Variants in FGGY observed in about 807,000 individuals in gnomAD.
FGGY encodes the protein FGGY carbohydrate kinase domain containing.
Under a neutral mutation model 71.3 loss-of-function variants are expected in FGGY, and 72 were observed. The observed-to-expected ratio is 1.01, with a 90% CI of 0.84 to 1.23. The LOEUF (loss-of-function observed/expected upper bound fraction) is 1.23. FGGY is among the 50% of genes most tolerant of loss of function. The pLI is 0.00. For missense variants in FGGY, 668 were observed against 682.3 expected (o/e 0.98, Z 0.23); for synonymous variants, 251 against 250.3 (o/e 1.00, Z -0.02).
chr1:59,444,381 C>CA (rs1383272583), intron 5 of FGGY, among the ~76,000 whole-genome samples: 2 of 152,142 alleles, frequency 1.3e-5, no homozygotes, highest in African/African-American at 4.8e-5. Flanking sequence ...ATATCCATCT[C>CA]AAGCCTTTTT....
intron 7 of FGGY, among the ~76,000 whole-genome samples, chr1:59,515,396 G>A (rs2094617781): frequency 6.6e-6 from 1 of 152,136 alleles, no homozygotes; most frequent in Non-Finnish European, 1.5e-5. Context: ...ACTTGTCTCA[G>A]ATGAGACTTT....
chr1:59,419,746 G>A (rs1157343907), intron 5 of FGGY, among the ~76,000 whole-genome samples: 3 of 152,132 alleles, frequency 2.0e-5, no homozygotes, highest in African/African-American at 7.2e-5. Context: ...TAATATGGAG[G>A]TTTGCCTGAG....
At chr1:59,542,716 A>G (rs1190664985) in intron 7 of FGGY, among the ~76,000 whole-genome samples, 1 of 152,034 alleles carries the variant, frequency 6.6e-6, no homozygotes, top group Non-Finnish European at 1.5e-5. Context: ...TTGGCCTCCC[A>G]AAGTGCCGGG....
At chr1:59,484,382 T>C (rs1003188523) in intron 6 of FGGY, among the ~76,000 whole-genome samples, 4 of 152,172 alleles carry the variant, frequency 2.6e-5, no homozygotes, top group Non-Finnish European at 5.9e-5. Context: ...TCTATTATGG[T>C]CCACCTACTC....
chr1:59,619,311 A>G (rs2096786632), intron 9 of FGGY, among the ~76,000 whole-genome samples: 3 of 152,096 alleles, frequency 2.0e-5, no homozygotes, highest in Admixed American at 1.3e-4. Flanking sequence ...TCAAGCTTAC[A>G]TTCTAACAGG....
chr1:59,559,785 C>G (rs945133042), intron 8 of FGGY, among the ~76,000 whole-genome samples: 2 of 152,020 alleles, frequency 1.3e-5, no homozygotes, highest in Non-Finnish European at 2.9e-5. Context: ...AAAACTGGAA[C>G]AATTTAAGCA....
At chr1:59,619,339 C>CA (rs1021888458) in intron 9 of FGGY, among the ~76,000 whole-genome samples, 1 of 151,766 alleles carries the variant, frequency 6.6e-6, no homozygotes, top group African/African-American at 2.4e-5. Context: ...AGATAATACA[C>CA]AAAAAATAAA....
At chr1:59,741,863 C>T (rs914575547) in intron 14 of FGGY, among the ~76,000 whole-genome samples, 8 of 150,352 alleles carry the variant, frequency 5.3e-5, no homozygotes, top group Non-Finnish European at 8.9e-5. Context: ...GGCTTGAACC[C>T]GGAAGGCAGA....
At chr1:59,304,907 A>G (rs552861209) in intron 1 of FGGY, among the ~76,000 whole-genome samples, 3 of 152,060 alleles carry the variant, frequency 2.0e-5, no homozygotes, top group Non-Finnish European at 4.4e-5. Context: ...TGTTATGTTG[A>G]TTTTTTATTC....
At chr1:59,563,231 G>C (rs905010914) in intron 8 of FGGY, among the ~76,000 whole-genome samples, 1 of 152,304 alleles carries the variant, frequency 6.6e-6, no homozygotes, top group Non-Finnish European at 1.5e-5. Flanking sequence ...TTGGCTGCGG[G>C]TTTGTCATAA....
rs533362027 is a variant in FGGY, at chr1:59,553,012, G to A, written c.800-1112G>A. Among the ~76,000 whole-genome samples, 38 of 152,306 alleles carry A rather than the reference G, an allele frequency of 2.5e-4. No individual in the cohort carries two copies. The South Asian group carries it at 7.2e-3, about 29-fold the overall frequency. On this transcript the variant is annotated intron_variant, in intron 7 of 15. Coordinates refer to ENST00000303721, the MANE Select transcript of FGGY (RefSeq NM_018291.5). ...ATGAGACTATTTAACAGGGAGAATC[G>A]TCTGTCCTAGAGGGTCAGGGAAGCC...
At chr1:59,371,359 C>A (rs182552466) in intron 4 of FGGY, among the ~76,000 whole-genome samples, 4,248 of 152,106 alleles carry the variant, frequency 0.028, 214 homozygotes, top group African/African-American at 0.097. Flanking sequence ...AGAGCTAACT[C>A]TCCTAAATAT....
intron 4 of FGGY, among the ~76,000 whole-genome samples, chr1:59,349,308 A>C (rs182354675): frequency 1.9e-4 from 29 of 152,296 alleles, no homozygotes; most frequent in African/African-American, 7.0e-4. Flanking sequence ...ACTTGTTGCT[A>C]TATCAACAAG....
chr1:59,757,060 G>A (rs1304818368), intron 14 of FGGY, among the ~76,000 whole-genome samples: 1 of 152,126 alleles, frequency 6.6e-6, no homozygotes, highest in African/African-American at 2.4e-5. Context: ...TGTGATCCCA[G>A]AATGACTGCA....
intron 8 of FGGY, among the ~76,000 whole-genome samples, chr1:59,595,255 G>T (rs1325021620): frequency 6.6e-6 from 1 of 152,138 alleles, no homozygotes; most frequent in South Asian, 2.1e-4. Flanking sequence ...CATAGTAGCT[G>T]CTTGGCAAAT....
At chr1:59,610,914 G>A (rs1017945133) in intron 9 of FGGY, among the ~76,000 whole-genome samples, 1 of 152,250 alleles carries the variant, frequency 6.6e-6, no homozygotes, top group Admixed American at 6.5e-5. Context: ...CTTGCTCACT[G>A]CCAGCACAGC....
In FGGY at chr1:59,375,284, GAAAC is replaced by G. The variant is rs1189785273; in HGVS notation, c.466-3457_466-3454del. ...AAAAAAGAAAAAAAAAAAAAAAAAA[GAAAC>G]AAACAAAAAAAAACTGCATGGGATC... On this transcript the variant is annotated intron_variant, in intron 4 of 15. Coordinates refer to ENST00000303721, the MANE Select transcript of FGGY (RefSeq NM_018291.5). 8.8e-4 allele frequency among the ~76,000 whole-genome samples: 116 copies of G among 132,102 alleles called. 2 individuals carry two copies. The South Asian group carries it at 0.021, about 24-fold the overall frequency. The allele number at this position is 132,102 out of a possible 152,430, so 86.7% of individuals were successfully genotyped here. A position where few individuals can be genotyped will look rare whatever the true frequency, so the allele number is the denominator to read the frequency against.
intron 5 of FGGY, among the ~76,000 whole-genome samples, chr1:59,448,155 C>CT (rs2071758447): frequency 1.3e-5 from 2 of 152,080 alleles, no homozygotes; most frequent in South Asian, 2.1e-4. Flanking sequence ...TGGTTTTTGG[C>CT]TTTTAGATTT....
intron 14 of FGGY, among the ~76,000 whole-genome samples, chr1:59,752,719 G>A (rs604707): frequency 1.3e-5 from 2 of 151,988 alleles, no homozygotes; most frequent in African/African-American, 4.8e-5. Flanking sequence ...GTTTCCCCTG[G>A]CCACATGCAG....
Sources: allele counts gnomAD v4.1 joint callset (sites outside exome capture counted in the v4.1 genomes callset), GRCh38; gene constraint gnomAD v4.1.1; transcripts MANE v1.5; gene names NCBI Gene and HGNC (gene_info 2026-07-23, HGNC 2026-07-21).